Variants in DENND2D observed in about 807,000 individuals in gnomAD.
The protein encoded by DENND2D is DENN domain containing 2D, also known as DENN domain-containing protein 2D.
DENND2D carries 37 observed loss-of-function variants against 59.8 expected under a neutral mutation model. The observed-to-expected ratio is 0.62, with a 90% CI of 0.48 to 0.81. The LOEUF (loss-of-function observed/expected upper bound fraction) is 0.81. Among genes scored for constraint, DENND2D ranks in the 40% least tolerant of loss-of-function variants. The pLI, the probability that DENND2D is intolerant of heterozygous loss-of-function variation, is 0.00. For missense variants in DENND2D, 525 were observed against 579.7 expected, an observed-to-expected ratio of 0.91 and a Z score of 0.97; for synonymous variants, 219 against 211.3, an observed-to-expected ratio of 1.04 and a Z score of -0.31.
chr1:111,197,149 G>T (rs1658312790), intron 5 of DENND2D, 27 bp downstream of exon 5: 1 of 1,603,278 alleles, frequency 6.2e-7, no homozygotes, highest in East Asian at 2.2e-5. Flanking sequence ...TGGAATATGG[G>T]CAGGCCCTGA....
rs749978592 is a variant in DENND2D, at chr1:111,188,665, C to G, written c.1099+37G>C. ...AATGATTGAGAAGCATGCCCTTGCA[C>G]TGCCTGGAGAGACCCAAAATAAGAG... is the stretch of plus-strand genomic sequence containing the variant. On this transcript the variant is annotated intron_variant, in intron 10 of 11. Transcript: ENST00000357640. The G allele has an allele frequency of 4.5e-6, 7 of 1,558,960 alleles. No individual in the cohort carries two copies. The South Asian group carries it at 7.8e-5, about 17-fold the overall frequency.
chr1:111,192,170 C>G lies in DENND2D; in HGVS notation c.942G>C (p.Gln314His). 6.2e-7 allele frequency: 1 copy of G among 1,611,940 alleles called. No individual in the cohort carries two copies. The highest frequency in any genetic ancestry group is 1.1e-5 in the South Asian group (1 of 90,714). Reference sequence around the variant, plus strand: ...CCATAGGGCTGTCCATGACCTCCTGCTGGAAGCGCATTTGTACTCCAACCA... The same window carrying G: ...CCATAGGGCTGTCCATGACCTCCTGGTGGAAGCGCATTTGTACTCCAACCA... The part of the protein sequence containing the change: ...PFMVGVQMRF[Q>H]QEVMDSPMEE... The change falls in exon 8 of 12, where the codon CAG becomes CAC. Residue 314 changes from glutamine (Q) to histidine (H), a missense_variant. By Grantham distance (24) the Gln-to-His change is conservative. Coordinates refer to ENST00000357640, the MANE Select transcript of DENND2D (RefSeq NM_024901.5).
In DENND2D at chr1:111,196,273, CCT is replaced by C; in HGVS notation, c.505-219_505-218del. ...CAGTTTATCTCCCACATAAGACCTGCCTTCTTCCAGCTTCCTTTTTATTATCT... is the reference window on the plus strand; with the variant it reads ...CAGTTTATCTCCCACATAAGACCTGCTCTTCCAGCTTCCTTTTTATTATCT... On this transcript the variant is annotated intron_variant, in intron 5 of 11. Coordinates refer to ENST00000357640, the MANE Select transcript of DENND2D (RefSeq NM_024901.5). The C allele has an allele frequency of 8.4e-6, 4 of 477,116 alleles. No homozygotes were observed. The South Asian group carries it at 9.3e-5, about 11-fold the overall frequency. 29.6% of individuals were successfully genotyped at this position (477,116 alleles called of 1,614,324 possible). A position where few individuals can be genotyped will look rare whatever the true frequency, so the allele number is the denominator to read the frequency against.
chr1:111,190,132 C>A (rs1429113863), intron 8 of DENND2D, among the ~76,000 whole-genome samples: 9 of 147,256 alleles, frequency 6.1e-5, no homozygotes, highest in Non-Finnish European at 1.2e-4. Context: ...CCACTGCACT[C>A]CAGCCTGGGC....
At chr1:111,195,703 T>A (rs1286269413) in intron 6 of DENND2D, 3 of 590,776 alleles carry the variant, frequency 5.1e-6, no homozygotes, top group Non-Finnish European at 8.8e-6. Flanking sequence ...TCTTGGTGGC[T>A]TGAGCAGTAA....
chr1:111,200,644 T>C lies in DENND2D; in HGVS notation c.-185A>G. The C allele has an allele frequency of 7.2e-7, 1 of 1,386,460 alleles. No individual in the cohort carries two copies. The highest frequency in any genetic ancestry group is 9.4e-7 in the Non-Finnish European group (1 of 1,058,400). The allele number at this position is 1,386,460 out of a possible 1,614,324, so 85.9% of individuals were successfully genotyped here. On this transcript the variant is annotated 5_prime_UTR_variant, in exon 1 of 12. Coordinates refer to ENST00000357640, the MANE Select transcript of DENND2D (RefSeq NM_024901.5). ...GCACCCAGTGGTTGAGCAAGAAGGATGTGACGGGACCCAGGAAGGCAGCAG... is the reference window on the plus strand; with the variant it reads ...GCACCCAGTGGTTGAGCAAGAAGGACGTGACGGGACCCAGGAAGGCAGCAG...
Position 111,194,672 on chromosome 1 carries a change from A to T in DENND2D, c.700T>A (p.Ser234Thr). The change falls in exon 7 of 12, where the codon TCT (serine) becomes ACT (threonine). Residue 234 changes from serine to threonine, a missense_variant. Around this residue, in one of 3 missense-constraint regions of DENND2D, gnomAD observed 47 missense variants for 80.9 expected, o/e 0.58. Transcript: ENST00000357640. ...TCAAAACTGAGACAGTGCAATAGAGAACTAAAATCCACATGTTCTAGGTGG... is the reference window on the plus strand; with the variant it reads ...TCAAAACTGAGACAGTGCAATAGAGTACTAAAATCCACATGTTCTAGGTGG... ...DSHLEHVDFS[S>T]LLHCLSFEQI... 6.2e-7 allele frequency: 1 copy of T among 1,613,952 alleles called. No homozygotes were observed. Among genetic ancestry groups the T allele is most frequent in the Non-Finnish European group, 8.5e-7 (1 of 1,179,960 alleles).
chr1:111,200,317 G>T, intron 1 of DENND2D, 76 bp downstream of exon 1: 1 of 1,544,608 alleles, frequency 6.5e-7, no homozygotes. Flanking sequence ...GAGGAGGAAG[G>T]AGCATTTCAA....
In DENND2D at chr1:111,195,911, C is replaced by A; in HGVS notation, c.645+5G>T. The A allele has an allele frequency of 6.2e-7, 1 of 1,614,076 alleles. No individual in the cohort carries two copies. On this transcript the variant is annotated splice_donor_5th_base_variant and intron_variant, in intron 6 of 11. Transcript: ENST00000357640. ...GGGAAGGTCTCACCCATTTTGCTAA[C>A]CCACCTCAGTGCCTGAGTCGGGGAT...
At chr1:111,200,873 G>C, upstream of DENND2D, 1 of 324,324 alleles carries the variant, frequency 3.1e-6, no homozygotes, top group South Asian at 4.8e-5. Context: ...CCTTAGAACA[G>C]TGGACAATGC....
intron 4 of DENND2D, 199 bp downstream of exon 4, chr1:111,197,721 A>G (rs1658380475): frequency 7.0e-7 from 1 of 1,423,484 alleles, no homozygotes; most frequent in East Asian, 2.5e-5. Context: ...CCTGACCAGC[A>G]GCGGGAGAAG....
chr1:111,197,789 T>A, intron 4 of DENND2D, 131 bp downstream of exon 4: 1 of 1,495,470 alleles, frequency 6.7e-7, no homozygotes, highest in Non-Finnish European at 8.9e-7. Context: ...TGGCAGCAGG[T>A]CCTGGGCTGT....
chr1:111,195,348 C>A (rs557134121), intron 6 of DENND2D: 1 of 152,914 alleles, frequency 6.5e-6, no homozygotes, highest in South Asian at 2.0e-4. Context: ...GTGAAAATTT[C>A]TAGCCTCTCC....
chr1:111,190,280 C>T (rs1045051021), intron 8 of DENND2D, among the ~76,000 whole-genome samples: 3 of 151,936 alleles, frequency 2.0e-5, no homozygotes, highest in Non-Finnish European at 4.4e-5. Context: ...GTGAGGAGAC[C>T]ATGTGTCTAC....
intron 2 of DENND2D, among the ~76,000 whole-genome samples, chr1:111,199,123 G>T (rs931933448): frequency 6.6e-5 from 10 of 152,234 alleles, no homozygotes; most frequent in African/African-American, 1.9e-4. Flanking sequence ...AGCTCAGTTG[G>T]CACACCTGCT....
In DENND2D at chr1:111,198,003, G is replaced by T. The variant is rs1173746137; in HGVS notation, c.357-14C>A. On this transcript the variant is annotated splice_polypyrimidine_tract_variant and intron_variant, in intron 3 of 11. Transcript: ENST00000357640. ...GAGAAGGTCTCCCTAAGAAAGAGCA[G>T]ACAAGGCTTGATTTGTATTGCTCAC... 2.5e-6 allele frequency: 4 copies of T among 1,612,702 alleles called. No individual in the cohort carries two copies. The highest frequency in any genetic ancestry group is 3.4e-6 in the Non-Finnish European group (4 of 1,179,208).
upstream of DENND2D, among the ~76,000 whole-genome samples, chr1:111,202,758 G>A (rs1044831139): frequency 7.2e-5 from 11 of 151,748 alleles, no homozygotes; most frequent in Admixed American, 7.2e-4. Flanking sequence ...CCTGGGGCCA[G>A]AAAGGCAAAG....
chr1:111,196,223 G>A, intron 5 of DENND2D, 167 bp from the exon 6 acceptor site: 1 of 754,674 alleles, frequency 1.3e-6, no homozygotes, highest in South Asian at 2.2e-5. Context: ...CCCTGGCAGA[G>A]GCTGGGCTCA....
At chr1:111,200,788 C>T (rs1446023948), upstream of DENND2D, 28 of 1,089,730 alleles carry the variant, frequency 2.6e-5, no homozygotes, top group South Asian at 3.5e-5. Flanking sequence ...CTGAAAGTAG[C>T]CGGAAAGGCC....
Sources: gnomAD v4.1 joint callset for allele counts (sites outside exome capture counted in the v4.1 genomes callset) on GRCh38, gnomAD v4.1.1 for gene constraint, gnomAD v4.1.1 regional missense constraint, MANE v1.5 for transcripts, NCBI Gene and HGNC (gene_info 2026-07-23, HGNC 2026-07-21) for gene names.